The following ZNF334 variants were observed in gnomAD, a reference collection of about 807,000 sequenced individuals.
The protein encoded by ZNF334 is zinc finger protein 334.
In ZNF334, 14 loss-of-function variants were observed where a neutral mutation model predicts 12.4. The observed-to-expected ratio is 1.13, with a 90% CI of 0.74 to 1.76. The LOEUF is 1.76. ZNF334 is among the 40% of genes most tolerant of loss of function. The probability of loss-of-function intolerance (pLI) is 0.00; values close to 1 mark genes in which losing one functional copy is unlikely to be tolerated. For missense variants in ZNF334, 797 were observed against 804.5 expected (o/e 0.99, Z 0.11); for synonymous variants, 273 against 269.6 (o/e 1.01, Z -0.12).
intron 2 of ZNF334, among the ~76,000 whole-genome samples, chr20:46,508,462 C>T (rs549418962): frequency 6.6e-6 from 1 of 152,172 alleles, no homozygotes; most frequent in East Asian, 1.9e-4. Context: ...TGGCTCCTGG[C>T]TATGTTCACA....
intron 2 of ZNF334, among the ~76,000 whole-genome samples, chr20:46,511,442 T>G (rs750959812): frequency 1.3e-5 from 2 of 152,126 alleles, no homozygotes; most frequent in Non-Finnish European, 2.9e-5. Flanking sequence ...ATCAGAGTGG[T>G]GGGGGCAGAC....
At chr20:46,486,607 C>T in the ZNF334 span, among the ~76,000 whole-genome samples, 11 of 152,068 alleles carry the variant, frequency 7.2e-5, 1 homozygote, top group Admixed American at 6.6e-4. Context: ...CATCACACAG[C>T]CAGTTTTAAG....
At chr20:46,504,492 A>C in intron 3 of ZNF334, 122 bp downstream of exon 3, 2 of 1,328,654 alleles carry the variant, frequency 1.5e-6, no homozygotes, top group Non-Finnish European at 2.1e-6. Flanking sequence ...CTACTGTCTA[A>C]AAGGGTTTAA....
intron 4 of ZNF334, 44 bp from the exon 5 acceptor site, chr20:46,503,141 A>G: frequency 6.6e-7 from 1 of 1,521,530 alleles, no homozygotes; most frequent in South Asian, 1.4e-5. Flanking sequence ...GAGCCTTTAT[A>G]TGTTTGCTAT....
At chr20:46,473,120 T>A in the ZNF334 span, among the ~76,000 whole-genome samples, 1 of 152,258 alleles carries the variant, frequency 6.6e-6, no homozygotes, top group Non-Finnish European at 1.5e-5. Context: ...TTTATTGGCA[T>A]AAATTGTTCA....
At chr20:46,480,495 T>C in the ZNF334 span, among the ~76,000 whole-genome samples, 4,479 of 152,142 alleles carry the variant, frequency 0.029, 205 homozygotes, top group African/African-American at 0.1. Context: ...ATCTCAGAGA[T>C]TGAAGTGGAA....
At chr20:46,483,558 G>T in the ZNF334 span, among the ~76,000 whole-genome samples, 1 of 152,140 alleles carries the variant, frequency 6.6e-6, no homozygotes, top group East Asian at 1.9e-4. Context: ...CATAGTCAGG[G>T]AGGGATCTTG....
At chr20:46,479,657 T>C in the ZNF334 span, among the ~76,000 whole-genome samples, 1 of 152,208 alleles carries the variant, frequency 6.6e-6, no homozygotes, top group African/African-American at 2.4e-5. Context: ...CAAAGCTGTC[T>C]TGTGTGGGGA....
At chr20:46,495,489 T>C (rs2061006777), downstream of ZNF334, among the ~76,000 whole-genome samples, 1 of 152,062 alleles carries the variant, frequency 6.6e-6, no homozygotes, top group Non-Finnish European at 1.5e-5. Flanking sequence ...AATGCAAAAT[T>C]GGAGTCAGCA....
chr20:46,493,570 G>A, the ZNF334 span, among the ~76,000 whole-genome samples: 1 of 152,170 alleles, frequency 6.6e-6, no homozygotes, highest in South Asian at 2.1e-4. Flanking sequence ...GATCACTTGA[G>A]GTCAAGAGTT....
intron 2 of ZNF334, among the ~76,000 whole-genome samples, chr20:46,511,675 G>C (rs1170380583): frequency 2.0e-5 from 3 of 152,180 alleles, no homozygotes; most frequent in African/African-American, 4.8e-5. Flanking sequence ...CCATCAGAAT[G>C]CTGCCTGTTC....
chr20:46,506,122 A>G (rs879677808), intron 2 of ZNF334: 2 of 386,420 alleles, frequency 5.2e-6, no homozygotes, highest in Non-Finnish European at 9.2e-6. Flanking sequence ...CTGTGCTTGA[A>G]GTGTCTGTTG....
the ZNF334 span, among the ~76,000 whole-genome samples, chr20:46,480,272 T>C: frequency 3.5e-4 from 53 of 152,260 alleles, 1 homozygote; most frequent in African/African-American, 1.2e-3. Flanking sequence ...GTGGACATGT[T>C]TGGGGGGCAA....
the ZNF334 span, chr20:46,485,064 G>A: frequency 6.0e-6 from 1 of 167,468 alleles, no homozygotes; most frequent in African/African-American, 2.4e-5. Flanking sequence ...CCTGGATGAT[G>A]GAGAGAGAGG....
the ZNF334 span, among the ~76,000 whole-genome samples, chr20:46,471,231 T>C: frequency 6.6e-6 from 1 of 152,220 alleles, no homozygotes; most frequent in Admixed American, 6.5e-5. Context: ...GAGCACCTTT[T>C]CTATACCTAT....
At chr20:46,497,752 ACT>A (rs554344593), downstream of ZNF334, among the ~76,000 whole-genome samples, 130 of 152,322 alleles carry the variant, frequency 8.5e-4, no homozygotes, top group African/African-American at 3.0e-3. Context: ...AATTTATAAA[ACT>A]CTCTCATTCT....
chr20:46,468,868 C>T, the ZNF334 span, among the ~76,000 whole-genome samples: 59,496 of 151,928 alleles, frequency 0.39, 13,806 homozygotes, highest in African/African-American at 0.66. Context: ...GACATAATTA[C>T]TAATATGATC....
At chr20:46,480,810 T>C in the ZNF334 span, among the ~76,000 whole-genome samples, 3 of 151,666 alleles carry the variant, frequency 2.0e-5, no homozygotes, top group African/African-American at 7.3e-5. Context: ...AGAAGGTGAG[T>C]TCAAGCTCTG....
the ZNF334 span, among the ~76,000 whole-genome samples, chr20:46,469,297 C>T: frequency 6.3e-4 from 95 of 151,814 alleles, 1 homozygote; most frequent in African/African-American, 2.2e-3. Context: ...TTTATTAGGA[C>T]TTACATATGA....
Sources: gnomAD v4.1 joint callset for allele counts (sites outside exome capture counted in the v4.1 genomes callset) on GRCh38, gnomAD v4.1.1 for gene constraint, MANE v1.5 for transcripts, NCBI Gene and HGNC (gene_info 2026-07-23, HGNC 2026-07-21) for gene names.